Variants in GNLY observed in about 807,000 individuals in gnomAD.
The protein encoded by GNLY is T-cell activation protein 519.
A neutral mutation model predicts 18.5 loss-of-function variants in GNLY; 15 were observed. The ratio of observed to expected loss-of-function variants is 0.81; its 90% CI spans 0.54 to 1.25. GNLY has a LOEUF of 1.25. GNLY is among the 50% of genes most tolerant of loss of function. GNLY has a pLI of 0.00. For missense variants in GNLY, 178 were observed against 186.9 expected (o/e 0.95, Z 0.28); for synonymous variants, 77 against 74.9 (o/e 1.03, Z -0.14).
chr2:85,695,082 G>A, intron 1 of GNLY: 7 of 1,289,674 alleles, frequency 5.4e-6, no homozygotes, highest in Non-Finnish European at 1.1e-6. Context: ...GGGGAACAGA[G>A]GAGAAGAGAG....
rs780893952 is a variant in GNLY, at chr2:85,698,556, CTCTCCA to C, written c.428-7_428-2del. 6.2e-7 allele frequency: 1 copy of C among 1,612,816 alleles called. No individual in the cohort carries two copies. Among genetic ancestry groups the C allele is most frequent in the Non-Finnish European group, 8.5e-7 (1 of 1,179,060 alleles). ...TCTGCCCACAGCTGGCTGTTCTCTCCTCTCCAGGTCCCCTCTGAGCCCTCTCACCTT... is the reference window on the plus strand; with the variant it reads ...TCTGCCCACAGCTGGCTGTTCTCTCCGGTCCCCTCTGAGCCCTCTCACCTT... On this transcript the variant is annotated splice_acceptor_variant and splice_polypyrimidine_tract_variant and intron_variant, in intron 4 of 4. Transcript: ENST00000263863. LOFTEE classifies it high-confidence loss of function.
At position 85,698,421 on chromosome 2, in the gene GNLY, C is replaced by T. The variant is rs769698035; in HGVS notation, c.428-143C>T. ...AGGCCCCACAACCTGCTCAGGCTGCCGACTGGCTTCCAGGATGTGCCTCTG... is the reference window on the plus strand; with the variant it reads ...AGGCCCCACAACCTGCTCAGGCTGCTGACTGGCTTCCAGGATGTGCCTCTG... On this transcript the variant is annotated intron_variant, in intron 4 of 4. Transcript: ENST00000263863. The T allele has an allele frequency of 4.3e-5, 61 of 1,404,186 alleles. 1 individual carries two copies. In the South Asian group the frequency reaches 7.0e-4, roughly 16 times the overall value. 87.0% of individuals were successfully genotyped at this position (1,404,186 alleles called of 1,614,324 possible). A position where few individuals can be genotyped will look rare whatever the true frequency, so the allele number is the denominator to read the frequency against.
chr2:85,698,267 G>C (rs1678536696), intron 4 of GNLY: 1 of 632,888 alleles, frequency 1.6e-6, no homozygotes, highest in South Asian at 1.6e-5. Flanking sequence ...AGGAAATGGG[G>C]CCAGAAAGGG....
rs1678566517 is a variant in GNLY, at chr2:85,698,746, G to A, written c.*172G>A. 1.3e-6 allele frequency: 2 copies of A among 1,528,246 alleles called. No individual in the cohort carries two copies. Among genetic ancestry groups the A allele is most frequent in the East Asian group, 4.9e-5 (2 of 40,732 alleles). 94.7% of individuals were successfully genotyped at this position (1,528,246 alleles called of 1,614,324 possible). Reference sequence around the variant, plus strand: ...CTCACGAGAATAAAGTGTCAAGCAAGATTTTAGCCGCAGCTGCTTCTTCTT... The same window carrying A: ...CTCACGAGAATAAAGTGTCAAGCAAAATTTTAGCCGCAGCTGCTTCTTCTT... On this transcript the variant is annotated 3_prime_UTR_variant, in exon 5 of 5. Coordinates refer to ENST00000263863, the MANE Select transcript of GNLY (RefSeq NM_006433.5).
At position 85,697,675 on chromosome 2, in the gene GNLY, C is replaced by A. The variant is rs1678515073; in HGVS notation, c.425C>A (p.Thr142Lys). Residue 142 changes from threonine to lysine, a missense_variant and splice_region_variant, in exon 4 of 5, where the codon ACA becomes AAA. By Grantham distance (78) the Thr-to-Lys change is moderately conservative. Transcript: ENST00000263863. Reference sequence around the variant, plus strand: ...GACCTCAGGTTGTGTATACCTTCTACAGGTGAGTGCAGAGGTGACAGCAGG... The same window carrying A: ...GACCTCAGGTTGTGTATACCTTCTAAAGGTGAGTGCAGAGGTGACAGCAGG... ...CEDLRLCIPS[T>K]GPL The A allele has an allele frequency of 1.9e-6, 3 of 1,607,604 alleles. No individual in the cohort carries two copies. Among genetic ancestry groups the A allele is most frequent in the Non-Finnish European group, 2.6e-6 (3 of 1,174,222 alleles).
chr2:85,697,810 T>C (rs556791673), intron 4 of GNLY, 133 bp downstream of exon 4: 4 of 652,316 alleles, frequency 6.1e-6, no homozygotes, highest in Admixed American at 5.6e-5. Flanking sequence ...AGATGGACTT[T>C]AGCTAGAAAT....
rs749869558 is a variant in GNLY at position 85,697,556 on chromosome 2, A to G, written c.306A>G (p.Arg102=). 6.2e-7 allele frequency: 1 copy of G among 1,613,236 alleles called. No individual in the cohort carries two copies. The highest frequency in any genetic ancestry group is 8.5e-7 in the Non-Finnish European group (1 of 1,179,840). ...ATRVCRTGRS[R]WRDVCRNFMR... The stretch of plus-strand genomic sequence containing the variant: ...GGGTGTGTAGGACGGGGAGGTCACG[A>G]TGGCGCGACGTCTGCAGAAATTTCA... Residue 102 remains arginine, a synonymous_variant, in exon 4 of 5, where the codon CGA becomes CGG. Transcript: ENST00000263863.
Position 85,697,151 on chromosome 2 carries a change from C to T in GNLY, c.256-355C>T, listed in dbSNP as rs117534869. On this transcript the variant is annotated intron_variant, in intron 3 of 4. Transcript: ENST00000263863. Reference sequence around the variant, plus strand: ...CTCTATGCACCCCCTCTATCTGGAGCCCCCAGCCAGGTCCTGGACCCAGGT... The same window carrying T: ...CTCTATGCACCCCCTCTATCTGGAGTCCCCAGCCAGGTCCTGGACCCAGGT... 109 of 210,464 alleles carry T rather than the reference C, an allele frequency of 5.2e-4. 1 individual carries two copies. In the East Asian group the frequency reaches 8.8e-3, roughly 17 times the overall value. 13.0% of individuals were successfully genotyped at this position (210,464 alleles called of 1,614,324 possible). A position where few individuals can be genotyped will look rare whatever the true frequency, so the allele number is the denominator to read the frequency against.
At chr2:85,698,106 C>T (rs2104449049) in intron 4 of GNLY, among the ~76,000 whole-genome samples, 1 of 152,378 alleles carries the variant, frequency 6.6e-6, no homozygotes, top group South Asian at 2.1e-4. Context: ...CAGCCCAGCA[C>T]AGGCCCCTGG....
chr2:85,695,168 G>A, intron 1 of GNLY, 152 bp from the exon 2 acceptor site: 1 of 834,494 alleles, frequency 1.2e-6, no homozygotes, highest in African/African-American at 1.7e-5. Flanking sequence ...AGCGGCTCCA[G>A]GGCAAAGCAT....
intron 3 of GNLY, 31 bp from the exon 4 acceptor site, chr2:85,697,475 A>G (rs1476815907): frequency 6.2e-7 from 1 of 1,603,730 alleles, no homozygotes; most frequent in African/African-American, 1.3e-5. Flanking sequence ...CTCACCCTAT[A>G]ACCATGTCCA....
intron 4 of GNLY, chr2:85,698,288 T>C (rs1678538031): frequency 1.5e-6 from 1 of 669,314 alleles, no homozygotes; most frequent in East Asian, 2.9e-5. Context: ...GCCTCGGTGA[T>C]TGGCTCTGGC....
chr2:85,694,536 AC>A (rs1194065533), intron 1 of GNLY, 66 bp downstream of exon 1: 41 of 1,517,000 alleles, frequency 2.7e-5, no homozygotes, highest in Non-Finnish European at 3.6e-5. Flanking sequence ...GGCTGGCTGA[AC>A]CTGGAGCTTG....
intron 1 of GNLY, chr2:85,695,015 T>C: frequency 2.5e-6 from 4 of 1,582,250 alleles, no homozygotes; most frequent in Non-Finnish European, 3.4e-6. Flanking sequence ...AGAAAATCCC[T>C]TGAAAGGAGA....
At chr2:85,694,888 C>T (rs1678377893) in intron 1 of GNLY, 1 of 1,548,154 alleles carries the variant, frequency 6.5e-7, no homozygotes, top group Non-Finnish European at 8.7e-7. Context: ...GGCAGACTTC[C>T]TGCCCCCTGC....
At chr2:85,698,266 G>T in intron 4 of GNLY, 1 of 631,508 alleles carries the variant, frequency 1.6e-6, no homozygotes, top group Admixed American at 2.1e-5. Context: ...TAGGAAATGG[G>T]GCCAGAAAGG....
At position 85,697,565 on chromosome 2, in the gene GNLY, C is replaced by T. The variant is rs1179251608; in HGVS notation, c.315C>T (p.Asp105=). 1.5e-5 allele frequency: 25 copies of T among 1,613,026 alleles called. No individual in the cohort carries two copies. The highest frequency in any genetic ancestry group is 3.3e-5 in the Admixed American group (2 of 60,008). Residue 105 remains aspartate (D), a synonymous_variant, in exon 4 of 5, where the codon GAC becomes GAT. Coordinates refer to ENST00000263863, the MANE Select transcript of GNLY (RefSeq NM_006433.5). ...GGACGGGGAGGTCACGATGGCGCGACGTCTGCAGAAATTTCATGAGGAGGT... is the reference window on the plus strand; with the variant it reads ...GGACGGGGAGGTCACGATGGCGCGATGTCTGCAGAAATTTCATGAGGAGGT... ...VCRTGRSRWR[D]VCRNFMRRYQ...
intron 1 of GNLY, chr2:85,695,090 G>A: frequency 8.0e-7 from 1 of 1,249,370 alleles, no homozygotes; most frequent in Non-Finnish European, 1.1e-6. Flanking sequence ...GAGGAGAAGA[G>A]AGAGTCTCGC....
At chr2:85,694,496 C>T in intron 1 of GNLY, 26 bp downstream of exon 1, 1 of 1,607,992 alleles carries the variant, frequency 6.2e-7, no homozygotes, top group Non-Finnish European at 8.5e-7. Flanking sequence ...CGGGATCGAT[C>T]CTGATGGCCC....
Sources: allele counts gnomAD v4.1 joint callset (sites outside exome capture counted in the v4.1 genomes callset), GRCh38; gene constraint gnomAD v4.1.1; transcripts MANE v1.5; gene names NCBI Gene and HGNC (gene_info 2026-07-23, HGNC 2026-07-21).